ABLIM3: variants seen among roughly 807,000 people sequenced by gnomAD.
ABLIM3 encodes the protein actin binding LIM protein family member 3.
In ABLIM3, 61 loss-of-function variants were observed where a neutral mutation model predicts 109.5. The ratio of observed to expected loss-of-function variants is 0.56; its 90% CI spans 0.45 to 0.69. The LOEUF (loss-of-function observed/expected upper bound fraction) is 0.69, where lower values mean the gene tolerates loss of function less well. Ranked by LOEUF, ABLIM3 falls within the 30% of genes least tolerant of loss-of-function variation. The pLI is 0.00. For missense variants in ABLIM3, 796 were observed against 889.5 expected, an observed-to-expected ratio of 0.89 and a Z score of 1.34; for synonymous variants, 300 against 324.8, an observed-to-expected ratio of 0.92 and a Z score of 0.82.
At chr5:149,241,013 G>A (rs57373755) in intron 14 of ABLIM3, among the ~76,000 whole-genome samples, 4,859 of 152,356 alleles carry the variant, frequency 0.032, 115 homozygotes, top group African/African-American at 0.065. Context: ...GGGAAGAAAA[G>A]AGGCAGGGAG....
chr5:149,203,319 TAC>T (rs67091255), intron 5 of ABLIM3, among the ~76,000 whole-genome samples: 57,308 of 151,326 alleles, frequency 0.38, 10,938 homozygotes, highest in East Asian at 0.52. Flanking sequence ...CCATCACTAC[TAC>T]CACCATAACC....
At chr5:149,225,976 GTGTGTGTATATATA>G (rs1176971348) in intron 8 of ABLIM3, among the ~76,000 whole-genome samples, 15 of 38,534 alleles carry the variant, frequency 3.9e-4, no homozygotes, top group African/African-American at 8.5e-4. Flanking sequence ...GTGTGTGTGT[GTGTGTGTATATATA>G]TATATATATA....
intron 7 of ABLIM3, among the ~76,000 whole-genome samples, chr5:149,215,106 G>A (rs1185252265): frequency 6.6e-6 from 1 of 152,180 alleles, no homozygotes; most frequent in African/African-American, 2.4e-5. Flanking sequence ...TTTCAGCTGG[G>A]GTGAGGTAGT....
chr5:149,191,100 A>T (rs933720278), intron 3 of ABLIM3, among the ~76,000 whole-genome samples: 1 of 152,194 alleles, frequency 6.6e-6, no homozygotes, highest in Non-Finnish European at 1.5e-5. Context: ...TACAATAGAC[A>T]TTAATCAAAG....
intron 8 of ABLIM3, among the ~76,000 whole-genome samples, chr5:149,230,084 T>G (rs1442415876): frequency 6.6e-6 from 1 of 152,204 alleles, no homozygotes; most frequent in African/African-American, 2.4e-5. Context: ...TCACTCTTTT[T>G]TATCCACACT....
intron 23 of ABLIM3, among the ~76,000 whole-genome samples, 161 bp downstream of exon 23, chr5:149,252,998 T>C (rs1408813158): frequency 6.6e-6 from 1 of 151,860 alleles, no homozygotes; most frequent in Admixed American, 6.6e-5. Flanking sequence ...GCCCAAAACT[T>C]CCCCATACTA....
intron 6 of ABLIM3, among the ~76,000 whole-genome samples, chr5:149,208,396 T>TTC (rs1759226352): frequency 6.5e-5 from 4 of 61,118 alleles, no homozygotes; most frequent in Non-Finnish European, 1.4e-4. Flanking sequence ...CAATTTCTCT[T>TTC]TCTCTCTCTC....
At chr5:149,142,325 G>A (rs1752541325) in intron 2 of ABLIM3, among the ~76,000 whole-genome samples, 1 of 152,184 alleles carries the variant, frequency 6.6e-6, no homozygotes, top group African/African-American at 2.4e-5. Flanking sequence ...TATCAGCGGC[G>A]CCGGCCGCCT....
chr5:149,198,936 T>C lies in ABLIM3; in HGVS notation c.335+534T>C, dbSNP rs1437225609. 2 of 395,766 alleles carry C rather than the reference T, an allele frequency of 5.1e-6. No individual in the cohort carries two copies. Among genetic ancestry groups the C allele is most frequent in the African/African-American group, 4.1e-5 (2 of 48,308 alleles). 24.5% of individuals were successfully genotyped at this position (395,766 alleles called of 1,614,324 possible). On this transcript the variant is annotated intron_variant, in intron 4 of 23. Transcript: ENST00000309868. This position sits in a 1 kb window ranked among gnomAD's most constrained non-coding sequence, Gnocchi z 4.2. ...CAACCTCATTGGGTTTTCTCGAAGA[T>C]CAATGAGATGATGATGCAAAGGCAT...
intron 12 of ABLIM3, 135 bp from the exon 13 acceptor site, chr5:149,239,624 G>A: frequency 5.7e-6 from 7 of 1,237,362 alleles, no homozygotes; most frequent in Non-Finnish European, 7.8e-6. Flanking sequence ...AACTCAGGGA[G>A]GAGGGGGGTC....
chr5:149,251,306 G>A (rs985608462), intron 20 of ABLIM3, 53 bp from the exon 21 acceptor site: 72 of 1,607,332 alleles, frequency 4.5e-5, no homozygotes, highest in Middle Eastern at 3.3e-4. Context: ...AGTGCTTCAG[G>A]GAGGCAGAGG....
chr5:149,237,492 T>C lies in ABLIM3; in HGVS notation c.933T>C (p.Ala311=), dbSNP rs1752323290. Residue 311 remains alanine, a synonymous_variant, in exon 11 of 24, where the codon GCT becomes GCC. Coordinates refer to ENST00000309868, the MANE Select transcript of ABLIM3 (RefSeq NM_014945.5). ...NEILNYKDLA[A]LPKVKSIYEV... ...TCCTTAATTACAAAGACCTGGCGGC[T>C]CTCCCCAAGGTTAAGTCTATCTACG... 1.2e-6 allele frequency: 2 copies of C among 1,614,154 alleles called. No individual in the cohort carries two copies. Among genetic ancestry groups the C allele is most frequent in the Non-Finnish European group, 1.7e-6 (2 of 1,180,040 alleles).
chr5:149,210,641 G>T (rs1316617357), intron 6 of ABLIM3, 85 bp from the exon 7 acceptor site: 7 of 1,141,234 alleles, frequency 6.1e-6, no homozygotes, highest in Non-Finnish European at 8.0e-6. Context: ...AGTCAACATA[G>T]GCTGCAGGTC....
intron 23 of ABLIM3, 107 bp downstream of exon 23, chr5:149,252,944 C>T: frequency 1.2e-6 from 1 of 810,932 alleles, no homozygotes; most frequent in Non-Finnish European, 2.0e-6. Context: ...GCTTTAAGAT[C>T]ACACAGCTTA....
chr5:149,196,980 A>G (rs193022622), intron 3 of ABLIM3, among the ~76,000 whole-genome samples: 153 of 152,342 alleles, frequency 1.0e-3, no homozygotes, highest in Middle Eastern at 3.4e-3. Context: ...AGACTAGGAA[A>G]TGCCTTGTAA....
chr5:149,212,049 A>G (rs1759608462), intron 7 of ABLIM3, among the ~76,000 whole-genome samples: 1 of 152,160 alleles, frequency 6.6e-6, no homozygotes, highest in Non-Finnish European at 1.5e-5. Context: ...AGAGTATATC[A>G]TATATGGCAT....
At chr5:149,184,418 A>T (rs562714859) in intron 3 of ABLIM3, among the ~76,000 whole-genome samples, 1 of 152,216 alleles carries the variant, frequency 6.6e-6, no homozygotes, top group Non-Finnish European at 1.5e-5. Context: ...AAGTCTGAGG[A>T]ATACTTTGTA....
chr5:149,221,412 A>G (rs540076007), intron 8 of ABLIM3, among the ~76,000 whole-genome samples: 1 of 152,336 alleles, frequency 6.6e-6, no homozygotes, highest in South Asian at 2.1e-4. Context: ...GGAGCTGGAC[A>G]CAGCATGGTA....
intron 14 of ABLIM3, among the ~76,000 whole-genome samples, chr5:149,241,002 C>T (rs1192301739): frequency 7.2e-5 from 11 of 152,284 alleles, no homozygotes; most frequent in Middle Eastern, 3.4e-3. Context: ...GAAGCAGTCC[C>T]GGGAAGAAAA....
Sources: gnomAD v4.1 joint callset for allele counts (sites outside exome capture counted in the v4.1 genomes callset) on GRCh38, gnomAD v4.1.1 for gene constraint, Gnocchi (gnomAD v3.1) non-coding constraint, MANE v1.5 for transcripts, NCBI Gene and HGNC (gene_info 2026-07-23, HGNC 2026-07-21) for gene names.